PPM1H: variants seen among roughly 807,000 people sequenced by gnomAD.
PPM1H encodes protein phosphatase, Mg2+/Mn2+ dependent 1H.
In PPM1H, 27 loss-of-function variants were observed where a neutral mutation model predicts 54.9. The ratio of observed to expected loss-of-function variants is 0.49; its 90% confidence interval spans 0.36 to 0.68. PPM1H has a LOEUF of 0.68. PPM1H is among the 30% of genes least tolerant of loss of function. PPM1H has a pLI of 0.00. For missense variants in PPM1H, 596 were observed against 667.8 expected (o/e 0.89, Z 1.19); for synonymous variants, 305 against 270.8 (o/e 1.13, Z -1.24).
intron 3 of PPM1H, among the ~76,000 whole-genome samples, chr12:62,790,862 T>C (rs2076697764): frequency 1.3e-5 from 2 of 152,124 alleles, no homozygotes; most frequent in African/African-American, 4.8e-5. Flanking sequence ...ACTTCAACTG[T>C]GTATAAATTA....
Position 62,832,283 on chromosome 12 carries a change from G to A in PPM1H, c.246-4C>T. Reference sequence around the variant, plus strand: ...GCTCTTCCCGGCATTGATAACCCTGGAGAAGAAGCCGGAAAAGCTGGTCAG... The same window carrying A: ...GCTCTTCCCGGCATTGATAACCCTGAAGAAGAAGCCGGAAAAGCTGGTCAG... On this transcript the variant is annotated splice_polypyrimidine_tract_variant and splice_region_variant and intron_variant, in intron 1 of 9. Transcript: ENST00000228705. 1 of 1,606,706 alleles carries A rather than the reference G, an allele frequency of 6.2e-7. No homozygotes were observed. Among genetic ancestry groups the A allele is most frequent in the Non-Finnish European group, 8.5e-7 (1 of 1,176,390 alleles).
intron 6 of PPM1H, among the ~76,000 whole-genome samples, chr12:62,715,130 A>G (rs1243892466): frequency 6.6e-6 from 1 of 152,250 alleles, no homozygotes; most frequent in Non-Finnish European, 1.5e-5. Context: ...ACTCGGTAAC[A>G]TAGACACTTG....
chr12:62,842,751 T>C (rs562634395), intron 1 of PPM1H, among the ~76,000 whole-genome samples: 40 of 152,310 alleles, frequency 2.6e-4, no homozygotes, highest in Admixed American at 1.0e-3. Flanking sequence ...CCACTCCACC[T>C]AAACATACAG....
At chr12:62,800,764 C>A (rs2076763629) in intron 3 of PPM1H, among the ~76,000 whole-genome samples, 2 of 152,122 alleles carry the variant, frequency 1.3e-5, no homozygotes, top group African/African-American at 4.8e-5. Flanking sequence ...TCTTTAAAAC[C>A]AAAATAATTG....
chr12:62,859,834 C>T (rs1041696784), intron 1 of PPM1H, among the ~76,000 whole-genome samples: 1 of 152,164 alleles, frequency 6.6e-6, no homozygotes, highest in Non-Finnish European at 1.5e-5. Flanking sequence ...CACCTTCTGC[C>T]TAGAATTTCC....
intron 9 of PPM1H, among the ~76,000 whole-genome samples, chr12:62,661,493 C>T (rs2075883430): frequency 6.6e-6 from 1 of 152,210 alleles, no homozygotes; most frequent in South Asian, 2.1e-4. Context: ...CTCGACTTGC[C>T]AGCTTCAAGA....
intron 1 of PPM1H, among the ~76,000 whole-genome samples, chr12:62,914,671 A>G (rs1166191458): frequency 6.6e-6 from 1 of 152,190 alleles, no homozygotes; most frequent in Admixed American, 6.5e-5. Flanking sequence ...GAGGAAGACA[A>G]TACTGGAAGG....
Position 62,691,453 on chromosome 12 carries a change from G to A in PPM1H, c.1138-1647C>T, listed in dbSNP as rs117536435. Among the ~76,000 whole-genome samples the A allele has an allele frequency of 8.8e-3, 1,339 of 152,224 alleles. 12 individuals carry two copies. The highest frequency in any genetic ancestry group is 0.024 in the Middle Eastern group (7 of 294). On this transcript the variant is annotated intron_variant, in intron 7 of 9. Transcript: ENST00000228705. ...TGAATTTTGAAGCCAGCCTTGGTTC[G>A]GAAGGTAGGCAGAGTTCACATTAAG... is the stretch of plus-strand genomic sequence containing the variant.
chr12:62,872,937 C>A (rs1042677087), intron 1 of PPM1H, among the ~76,000 whole-genome samples: 19 of 152,200 alleles, frequency 1.2e-4, no homozygotes, highest in African/African-American at 4.1e-4. Flanking sequence ...ATTTTCAAAG[C>A]ATGTTTATAC....
intron 2 of PPM1H, among the ~76,000 whole-genome samples, chr12:62,823,493 T>C (rs2076916983): frequency 6.6e-6 from 1 of 151,994 alleles, no homozygotes; most frequent in Non-Finnish European, 1.5e-5. Flanking sequence ...GATGCAAAAA[T>C]CCTCAATAAA....
At chr12:62,894,401 T>A (rs1348338699) in intron 1 of PPM1H, among the ~76,000 whole-genome samples, 1 of 152,152 alleles carries the variant, frequency 6.6e-6, no homozygotes, top group Non-Finnish European at 1.5e-5. Flanking sequence ...TTGCTCCTCG[T>A]GTTAACAAGG....
intron 6 of PPM1H, among the ~76,000 whole-genome samples, chr12:62,703,409 T>C (rs1450921637): frequency 5.8e-5 from 8 of 138,800 alleles, no homozygotes; most frequent in Non-Finnish European, 1.2e-4. Context: ...AGCTGGGAGC[T>C]CAGTGCCCCT....
rs182764799 is a variant in PPM1H at position 62,690,246 on chromosome 12, C to T, written c.1138-440G>A. Among the ~76,000 whole-genome samples, 1,376 of 152,308 alleles carry T rather than the reference C, an allele frequency of 9.0e-3. 47 individuals are homozygous for T. Among genetic ancestry groups the T allele is most frequent in the Admixed American group, 0.07 (1,075 of 15,296 alleles). On this transcript the variant is annotated intron_variant, in intron 7 of 9. Coordinates refer to ENST00000228705, the MANE Select transcript of PPM1H (RefSeq NM_020700.2). ...CACCAATCTTTCTGTTACATATCCA[C>T]TGTACAAGTATTTGCTCAACACCAG...
chr12:62,917,739 T>A (rs1197724080), intron 1 of PPM1H, among the ~76,000 whole-genome samples: 1 of 151,872 alleles, frequency 6.6e-6, no homozygotes, highest in Non-Finnish European at 1.5e-5. Context: ...ATTTTTTGAT[T>A]TTTTTTTCTG....
chr12:62,813,638 A>T (rs1411129380), intron 2 of PPM1H, among the ~76,000 whole-genome samples: 1 of 152,254 alleles, frequency 6.6e-6, no homozygotes, highest in Non-Finnish European at 1.5e-5. Flanking sequence ...AAATAAGAAC[A>T]TGTCAGAGCT....
chr12:62,762,518 G>A (rs573686010), intron 4 of PPM1H, among the ~76,000 whole-genome samples: 38 of 152,314 alleles, frequency 2.5e-4, no homozygotes, highest in African/African-American at 7.7e-4. Context: ...TGCATACCCC[G>A]AAAATGATCC....
chr12:62,651,690 C>T (rs901365690), intron 9 of PPM1H, among the ~76,000 whole-genome samples: 1 of 152,146 alleles, frequency 6.6e-6, no homozygotes, highest in Non-Finnish European at 1.5e-5. Context: ...TGCTTAACTT[C>T]CTGAGGGAAA....
intron 1 of PPM1H, among the ~76,000 whole-genome samples, chr12:62,871,278 A>C (rs1013969770): frequency 7.6e-6 from 1 of 131,708 alleles, no homozygotes; most frequent in African/African-American, 2.5e-5. Flanking sequence ...AAGTGAAAGA[A>C]GCTAGACAAA....
intron 4 of PPM1H, among the ~76,000 whole-genome samples, chr12:62,758,223 C>T (rs1377149702): frequency 6.6e-6 from 1 of 152,200 alleles, no homozygotes; most frequent in Non-Finnish European, 1.5e-5. Flanking sequence ...AAATCAACAT[C>T]TTCATTTGGT....
Sources: gnomAD v4.1 joint callset for allele counts (sites outside exome capture counted in the v4.1 genomes callset) on GRCh38, gnomAD v4.1.1 for gene constraint, MANE v1.5 for transcripts, NCBI Gene and HGNC (gene_info 2026-07-23, HGNC 2026-07-21) for gene names.